FREM1: variants seen among roughly 807,000 people sequenced by gnomAD.
FREM1 encodes the protein FRAS1-related extracellular matrix protein 1.
A neutral mutation model predicts 210.1 loss-of-function variants in FREM1; 220 were observed. That is an observed-to-expected ratio of 1.05 (90% CI 0.94 to 1.17). The LOEUF is 1.17. Ranked by LOEUF, FREM1 falls within the 50% of genes most tolerant of loss-of-function variation. The pLI is 0.00. For synonymous variants in FREM1, 1,189 were observed against 980.2 expected, an observed-to-expected ratio of 1.21 and a Z score of -3.98; for missense variants, 3,454 against 2,675.5, an observed-to-expected ratio of 1.29 and a Z score of -6.42.
chr9:14,867,392 G>T (rs987884435), intron 2 of FREM1, among the ~76,000 whole-genome samples: 4 of 152,140 alleles, frequency 2.6e-5, no homozygotes, highest in African/African-American at 9.7e-5. Context: ...GAATACAATG[G>T]CTAATATGTG....
At chr9:14,900,493 C>T (rs956705687) in intron 1 of FREM1, among the ~76,000 whole-genome samples, 12 of 152,078 alleles carry the variant, frequency 7.9e-5, no homozygotes, top group African/African-American at 1.2e-4. Flanking sequence ...TGGAACGCAG[C>T]GGTAGGACTA....
chr9:14,746,205 G>C (rs1001997634), intron 35 of FREM1, 148 bp downstream of exon 35: 4 of 570,360 alleles, frequency 7.0e-6, no homozygotes, highest in Non-Finnish European at 1.2e-5. Flanking sequence ...CTGAACTAGG[G>C]AACTCCCTCA....
At chr9:14,788,471 T>C (rs1254563823) in intron 23 of FREM1, among the ~76,000 whole-genome samples, 1 of 152,212 alleles carries the variant, frequency 6.6e-6, no homozygotes, top group Non-Finnish European at 1.5e-5. Context: ...ACAAAGTTTA[T>C]CTTTATTATT....
chr9:14,783,199 A>G (rs576203283), intron 24 of FREM1, among the ~76,000 whole-genome samples: 1 of 152,334 alleles, frequency 6.6e-6, no homozygotes, highest in Non-Finnish European at 1.5e-5. Context: ...AATCATTTTA[A>G]TGCTAAAAAG....
At chr9:14,752,657 G>A (rs1259040317) in intron 29 of FREM1, among the ~76,000 whole-genome samples, 1 of 152,078 alleles carries the variant, frequency 6.6e-6, no homozygotes. Context: ...AATACAATTG[G>A]CATGAAAAGA....
chr9:14,898,155 T>G (rs1838077520), intron 1 of FREM1, among the ~76,000 whole-genome samples: 1 of 152,190 alleles, frequency 6.6e-6, no homozygotes, highest in African/African-American at 2.4e-5. Flanking sequence ...GCACCTATCT[T>G]GGTTCCATAA....
intron 1 of FREM1, among the ~76,000 whole-genome samples, chr9:14,901,751 T>C (rs953510790): frequency 1.3e-5 from 2 of 152,220 alleles, no homozygotes; most frequent in Non-Finnish European, 1.5e-5. Context: ...AGAAGCTCAA[T>C]CTACAATATA....
chr9:14,784,640 T>C lies in FREM1; in HGVS notation c.4178-6A>G, dbSNP rs766665398. The C allele has an allele frequency of 3.2e-6, 5 of 1,549,436 alleles. No individual in the cohort carries two copies. Among genetic ancestry groups the C allele is most frequent in the East Asian group, 4.6e-5 (2 of 43,480 alleles). The stretch of plus-strand genomic sequence containing the variant: ...TGTAAGGATGACAATATCACCTACA[T>C]GACATAAGAGGTTATGGTCAATAAT... On this transcript the variant is annotated splice_polypyrimidine_tract_variant and splice_region_variant and intron_variant, in intron 23 of 36. Coordinates refer to ENST00000380880, the MANE Select transcript of FREM1 (RefSeq NM_001379081.2).
At chr9:14,893,854 A>G (rs1034515195) in intron 1 of FREM1, among the ~76,000 whole-genome samples, 1 of 152,190 alleles carries the variant, frequency 6.6e-6, no homozygotes, top group Non-Finnish European at 1.5e-5. Context: ...AATTAATTGT[A>G]AAAGAGATTG....
At chr9:14,858,307 T>C (rs1429957356) in intron 4 of FREM1, among the ~76,000 whole-genome samples, 1 of 152,166 alleles carries the variant, frequency 6.6e-6, no homozygotes, top group African/African-American at 2.4e-5. Flanking sequence ...AGTCTTCACA[T>C]CTCTAACCAA....
At chr9:14,860,798 C>CACATATATACATATATACGTATATAT (rs1829917081) in intron 3 of FREM1, among the ~76,000 whole-genome samples, 2 of 91,118 alleles carry the variant, frequency 2.2e-5, no homozygotes, top group African/African-American at 8.0e-5. Context: ...TACATATATA[C>CACATATATACATATATACGTATATAT]ACATATATAC....
chr9:14,872,749 T>A (rs1832915731), intron 1 of FREM1, among the ~76,000 whole-genome samples: 1 of 151,172 alleles, frequency 6.6e-6, no homozygotes, highest in Non-Finnish European at 1.5e-5. Flanking sequence ...CCTGTGCCAG[T>A]TTTCAAAGGG....
At chr9:14,908,272 C>T (rs1818131828) in intron 1 of FREM1, among the ~76,000 whole-genome samples, 1 of 152,172 alleles carries the variant, frequency 6.6e-6, no homozygotes, top group Non-Finnish European at 1.5e-5. Context: ...AAATCATTTT[C>T]TAGGAATGAG....
rs796923066 is a variant in FREM1 at position 14,860,809 on chromosome 9, A to G, written c.330-1325T>C. ...TATATACATATATACACATATATAC[A>G]TATATACACATATATACATATATAC... On this transcript the variant is annotated intron_variant, in intron 3 of 36. Coordinates refer to ENST00000380880, the MANE Select transcript of FREM1 (RefSeq NM_001379081.2). 2.4e-4 allele frequency among the ~76,000 whole-genome samples: 20 copies of G among 82,990 alleles called. 2 individuals carry two copies. Among genetic ancestry groups the G allele is most frequent in the South Asian group, 1.0e-3 (3 of 2,930 alleles). 54.4% of individuals were successfully genotyped at this position (82,990 alleles called of 152,430 possible).
chr9:14,826,893 T>A lies in FREM1; in HGVS notation c.1882-1901A>T, dbSNP rs192253646. Among the ~76,000 whole-genome samples the A allele has an allele frequency of 5.3e-5, 8 of 152,328 alleles. No homozygotes were observed. The East Asian group carries it at 1.5e-3, about 29-fold the overall frequency. On this transcript the variant is annotated intron_variant, in intron 10 of 36. Transcript: ENST00000380880. ...AGCCCTCATCAGACACAAAACATGC[T>A]GGCAACTTGGTCTTGGACTTCCCGG...
intron 12 of FREM1, 45 bp from the exon 13 acceptor site, chr9:14,823,372 G>A: frequency 6.4e-7 from 1 of 1,557,332 alleles, no homozygotes; most frequent in South Asian, 1.2e-5. Context: ...GACTTGCAAG[G>A]ATCAAAAGCT....
intron 1 of FREM1, among the ~76,000 whole-genome samples, chr9:14,870,578 T>G (rs971103875): frequency 6.6e-6 from 1 of 152,182 alleles, no homozygotes; most frequent in Admixed American, 6.5e-5. Flanking sequence ...ACATAATCAG[T>G]GTATCCTTTT....
chr9:14,825,546 T>TGTGTGTATATATATATAC (rs1822224805), intron 10 of FREM1, among the ~76,000 whole-genome samples: 3 of 73,804 alleles, frequency 4.1e-5, no homozygotes, highest in Admixed American at 1.8e-4. Flanking sequence ...TGTGTGTGTG[T>TGTGTGTATATATATATAC]GTATATATAT....
At chr9:14,798,377 C>G (rs1376026433) in intron 20 of FREM1, among the ~76,000 whole-genome samples, 1 of 152,042 alleles carries the variant, frequency 6.6e-6, no homozygotes, top group Non-Finnish European at 1.5e-5. Flanking sequence ...TTTCGGGGCT[C>G]AAGTGGGAGG....
Sources: gnomAD v4.1 joint callset for allele counts (sites outside exome capture counted in the v4.1 genomes callset) on GRCh38, gnomAD v4.1.1 for gene constraint, MANE v1.5 for transcripts, NCBI Gene and HGNC (gene_info 2026-07-23, HGNC 2026-07-21) for gene names.